RYR3: variants seen among roughly 807,000 people sequenced by gnomAD.
The protein encoded by RYR3 is ryanodine receptor 3.
Under a neutral mutation model 584.3 loss-of-function variants are expected in RYR3, and 207 were observed. The ratio of observed to expected loss-of-function variants is 0.35; its 90% CI spans 0.32 to 0.40. The LOEUF (loss-of-function observed/expected upper bound fraction) is 0.40. Ranked by LOEUF, RYR3 falls within the 10% of genes least tolerant of loss-of-function variation. RYR3 has a pLI of 1.00. For synonymous variants in RYR3, 2,416 were observed against 2,248.5 expected (o/e 1.07, Z -2.11); for missense variants, 5,616 against 6,089.2 (o/e 0.92, Z 2.59).
chr15:33,468,178 T>C (rs1487920948), intron 1 of RYR3, among the ~76,000 whole-genome samples: 1 of 152,144 alleles, frequency 6.6e-6, no homozygotes, highest in African/African-American at 2.4e-5. Context: ...CTTTATCAAA[T>C]ATAGAGCATA....
chr15:33,637,262 A>G (rs1241492265), intron 27 of RYR3, among the ~76,000 whole-genome samples: 1 of 152,234 alleles, frequency 6.6e-6, no homozygotes, highest in Non-Finnish European at 1.5e-5. Flanking sequence ...TTGGCTCCCA[A>G]GGAGTATCTG....
intron 1 of RYR3, among the ~76,000 whole-genome samples, chr15:33,348,459 T>A (rs749339782): frequency 5.3e-5 from 8 of 152,154 alleles, no homozygotes; most frequent in Non-Finnish European, 1.0e-4. Flanking sequence ...TCTCCTGACC[T>A]AAGTGATTTT....
chr15:33,684,153 T>TGAGCGGGTC (rs1242614871), intron 38 of RYR3, among the ~76,000 whole-genome samples: 1 of 152,238 alleles, frequency 6.6e-6, no homozygotes, highest in Non-Finnish European at 1.5e-5. Context: ...GCACAGTGTT[T>TGAGCGGGTC]GAGCTCTGAG....
At chr15:33,522,081 C>T (rs1473481503) in intron 3 of RYR3, among the ~76,000 whole-genome samples, 1 of 141,174 alleles carries the variant, frequency 7.1e-6, no homozygotes, top group Non-Finnish European at 1.5e-5. Context: ...TGGCAAAACC[C>T]CATCTCTACT....
In RYR3 at chr15:33,857,908, G is replaced by A. The variant is rs1277595275; in HGVS notation, c.14136G>A (p.Met4712Ile). 1 of 1,614,076 alleles carries A rather than the reference G, an allele frequency of 6.2e-7. No homozygotes were observed. Among genetic ancestry groups the A allele is most frequent in the South Asian group, 1.1e-5 (1 of 91,082 alleles). ...AGCCCGATATGAAGTGCGACGACAT[G>A]ATGACGGTGAGAGCCCACCCACTGC... ...DDEPDMKCDD[M>I]MTCYLFHMYV... is the part of the protein sequence containing the mutation. The change falls in exon 99 of 104, where the codon ATG becomes ATA. Residue 4712 changes from methionine to isoleucine, a missense_variant. Physicochemically the swap from Met to Ile is conservative, Grantham distance 10. Coordinates refer to ENST00000634891, the MANE Select transcript of RYR3 (RefSeq NM_001036.6).
rs137901222 is a variant in RYR3, at chr15:33,656,527, G to A, written c.4309-3193G>A. On this transcript the variant is annotated intron_variant, in intron 32 of 103. Transcript: ENST00000634891. ...GCCTGACAAGTTACCACAAAATTTA[G>A]CAGCTTAAAACAACACACATTATTT... Among the ~76,000 whole-genome samples, 20 of 152,192 alleles carry A rather than the reference G, an allele frequency of 1.3e-4. No homozygotes were observed. In the East Asian group the frequency reaches 3.7e-3, roughly 28 times the overall value.
intron 48 of RYR3, among the ~76,000 whole-genome samples, chr15:33,735,586 T>G (rs1487872443): frequency 6.6e-6 from 1 of 152,218 alleles, no homozygotes; most frequent in African/African-American, 2.4e-5. Flanking sequence ...TTTTAAAGTT[T>G]GGCAATGTAA....
chr15:33,546,667 C>G lies in RYR3; in HGVS notation c.741-1463C>G, dbSNP rs1315899698. ...TTTCACAACATTGTTTTATAAGTAC[C>G]CTTATTAGAAAGCAAACTGAGACAC... is the stretch of plus-strand genomic sequence containing the variant. On this transcript the variant is annotated intron_variant, in intron 8 of 103. Coordinates refer to ENST00000634891, the MANE Select transcript of RYR3 (RefSeq NM_001036.6). 3.3e-5 allele frequency among the ~76,000 whole-genome samples: 5 copies of G among 152,046 alleles called. No homozygotes were observed. The East Asian group carries it at 9.7e-4, about 29-fold the overall frequency.
intron 53 of RYR3, among the ~76,000 whole-genome samples, chr15:33,747,908 GA>G (rs2070903865): frequency 6.6e-6 from 1 of 152,176 alleles, no homozygotes; most frequent in Admixed American, 6.5e-5. Flanking sequence ...CCCAGGGCAG[GA>G]AAGACCGTAG....
At chr15:33,561,914 A>AT (rs1288116031) in intron 10 of RYR3, among the ~76,000 whole-genome samples, 1 of 152,096 alleles carries the variant, frequency 6.6e-6, no homozygotes, top group Middle Eastern at 3.2e-3. Context: ...AGAAAAAAAA[A>AT]AAAGAGAGAG....
At chr15:33,401,643 G>T (rs1330679699) in intron 1 of RYR3, among the ~76,000 whole-genome samples, 1 of 152,136 alleles carries the variant, frequency 6.6e-6, no homozygotes, top group Non-Finnish European at 1.5e-5. Context: ...GATGTCATAT[G>T]GAAAAAGGAT....
intron 38 of RYR3, among the ~76,000 whole-genome samples, chr15:33,680,939 G>A (rs1596125865): frequency 1.3e-5 from 2 of 152,230 alleles, no homozygotes; most frequent in Non-Finnish European, 2.9e-5. Flanking sequence ...GAAAAGCTGT[G>A]TTCTAGAAAC....
intron 8 of RYR3, 81 bp downstream of exon 8, chr15:33,543,796 C>A: frequency 1.1e-6 from 1 of 930,472 alleles, no homozygotes. Context: ...TGTATTTAGC[C>A]ATATATGAAC....
intron 20 of RYR3, among the ~76,000 whole-genome samples, chr15:33,625,558 A>C (rs1321211089): frequency 6.6e-6 from 1 of 152,166 alleles, no homozygotes; most frequent in Non-Finnish European, 1.5e-5. Context: ...CTGTGAATTA[A>C]GCTCATATGG....
chr15:33,822,017 C>CCATCCATTCATTCATT lies in RYR3; in HGVS notation c.10995+418_10995+419insCCATTCATTCATTCAT, dbSNP rs142617100. Reference sequence around the variant, plus strand: ...ACAAACCTGTTATTCGTTCGTTCATCCATTCATTCATTCATTGAGCAACTG... The same window carrying CCATCCATTCATTCATT: ...ACAAACCTGTTATTCGTTCGTTCATCCATCCATTCATTCATTCATTCATTCATTCATTGAGCAACTG... On this transcript the variant is annotated intron_variant, in intron 80 of 103. Transcript: ENST00000634891. Among the ~76,000 whole-genome samples the CCATCCATTCATTCATT allele has an allele frequency of 1.1e-4, 17 of 151,536 alleles. No homozygotes were observed. In the East Asian group the frequency reaches 1.4e-3, roughly 12 times the overall value.
chr15:33,821,871 T>C (rs532392207), intron 80 of RYR3, among the ~76,000 whole-genome samples: 1 of 152,350 alleles, frequency 6.6e-6, no homozygotes, highest in East Asian at 1.9e-4. Flanking sequence ...ACTTTCTGTA[T>C]AAATATTCTC....
intron 38 of RYR3, among the ~76,000 whole-genome samples, chr15:33,680,849 G>A (rs537823714): frequency 3.3e-5 from 5 of 152,302 alleles, no homozygotes; most frequent in South Asian, 2.1e-4. Context: ...CATCTTCAGC[G>A]TCTTTAATTT....
chr15:33,379,687 C>CTCTCTCTCTATATATATATA, intron 1 of RYR3, among the ~76,000 whole-genome samples: 15 of 125,520 alleles, frequency 1.2e-4, no homozygotes, highest in Middle Eastern at 4.1e-3. Flanking sequence ...CTCTCTCTCT[C>CTCTCTCTCTATATATATATA]TATATATATA....
In RYR3 at chr15:33,825,651, G is replaced by C; in HGVS notation, c.11121G>C (p.Leu3707=). The change falls in exon 82 of 104, where the codon CTG becomes CTC. Residue 3707 remains leucine (L), a synonymous_variant. Transcript: ENST00000634891. ...AGAGGCAGAATAAAGCTGAAGGCCT[G>C]GGGATGGTGACTGAAGAAGGAACAC... is the stretch of plus-strand genomic sequence containing the variant. ...AFERQNKAEG[L]GMVTEEGTLI... 1 of 1,611,470 alleles carries C rather than the reference G, an allele frequency of 6.2e-7. No individual in the cohort carries two copies. The highest frequency in any genetic ancestry group is 8.5e-7 in the Non-Finnish European group (1 of 1,177,996).
Sources: gnomAD v4.1 joint callset for allele counts (sites outside exome capture counted in the v4.1 genomes callset) on GRCh38, gnomAD v4.1.1 for gene constraint, MANE v1.5 for transcripts, NCBI Gene and HGNC (gene_info 2026-07-23, HGNC 2026-07-21) for gene names.